COL19A1: variants seen among roughly 807,000 people sequenced by gnomAD.
The protein encoded by COL19A1 is collagen type XIX alpha 1 chain.
Under a neutral mutation model 190.2 loss-of-function variants are expected in COL19A1, and 159 were observed. The observed-to-expected ratio is 0.84, with a 90% CI of 0.73 to 0.95. COL19A1 has a LOEUF of 0.95. Ranked by LOEUF, COL19A1 falls within the 40% of genes least tolerant of loss-of-function variation. COL19A1 has a pLI of 0.00. For missense variants in COL19A1, 1,418 were observed against 1,431.9 expected, an observed-to-expected ratio of 0.99 and a Z score of 0.16; for synonymous variants, 509 against 458.9, an observed-to-expected ratio of 1.11 and a Z score of -1.39.
intron 11 of COL19A1, among the ~76,000 whole-genome samples, chr6:69,995,918 T>C (rs2150078409): frequency 6.6e-6 from 1 of 152,306 alleles, no homozygotes; most frequent in South Asian, 2.1e-4. Flanking sequence ...GTGAGGAATC[T>C]TGGCCCTAAT....
chr6:69,929,155 TACACAC>T (rs141935825), intron 5 of COL19A1, among the ~76,000 whole-genome samples: 8 of 148,552 alleles, frequency 5.4e-5, no homozygotes, highest in Non-Finnish European at 9.0e-5. Context: ...TTAAAATAAC[TACACAC>T]ACACACACAC....
chr6:70,007,514 T>C (rs1275425437), intron 11 of COL19A1, among the ~76,000 whole-genome samples: 1 of 151,918 alleles, frequency 6.6e-6, no homozygotes, highest in Non-Finnish European at 1.5e-5. Flanking sequence ...AAAGGGCCAA[T>C]ATAGCAGGAA....
intron 4 of COL19A1, among the ~76,000 whole-genome samples, chr6:69,910,064 A>G (rs1770810789): frequency 6.6e-6 from 1 of 152,068 alleles, no homozygotes; most frequent in African/African-American, 2.4e-5. Flanking sequence ...TTGAAGGGAT[A>G]TTTGAAATTT....
chr6:69,877,860 C>T (rs1310472203), intron 1 of COL19A1, among the ~76,000 whole-genome samples: 4 of 151,952 alleles, frequency 2.6e-5, no homozygotes, highest in Admixed American at 1.3e-4. Flanking sequence ...CAAAAATTAG[C>T]TGGGCATAGT....
chr6:69,982,980 A>G (rs1172089692), intron 11 of COL19A1, among the ~76,000 whole-genome samples: 1 of 127,162 alleles, frequency 7.9e-6, no homozygotes, highest in African/African-American at 2.9e-5. Context: ...TCAAAAATAA[A>G]TAAATAAATA....
chr6:69,906,999 G>A (rs1472946866), intron 4 of COL19A1, among the ~76,000 whole-genome samples: 1 of 151,832 alleles, frequency 6.6e-6, no homozygotes, highest in Non-Finnish European at 1.5e-5. Flanking sequence ...TGTCATATGT[G>A]TTGTAACATG....
chr6:70,120,055 C>A (rs1255590281), intron 16 of COL19A1, among the ~76,000 whole-genome samples: 1 of 152,218 alleles, frequency 6.6e-6, no homozygotes, highest in African/African-American at 2.4e-5. Context: ...CGTGCCACTG[C>A]ACTCCAGCCT....
At chr6:70,103,052 G>GT (rs1297984128) in intron 16 of COL19A1, among the ~76,000 whole-genome samples, 1 of 152,140 alleles carries the variant, frequency 6.6e-6, no homozygotes, top group East Asian at 1.9e-4. Context: ...ATGAATGCCA[G>GT]TTTTTTATTT....
Position 70,180,515 on chromosome 6 carries a change from G to C in COL19A1, c.2767G>C (p.Gly923Arg). 6.2e-7 allele frequency: 1 copy of C among 1,614,128 alleles called. No homozygotes were observed. Among genetic ancestry groups the C allele is most frequent in the Non-Finnish European group, 8.5e-7 (1 of 1,180,002 alleles). The change falls in exon 44 of 51, where the codon GGA becomes CGA. Residue 923 changes from glycine (G) to arginine (R), a missense_variant. Gly to Arg is a moderately radical substitution (Grantham distance 125, BLOSUM62 -2). Transcript: ENST00000620364. ...TTTCCCTGGACCAGAAGGACCCTCA[G>C]GAAAGCCAGTAAGTACTTCTTACTA... The part of the protein sequence containing the change: ...IGFPGPEGPS[G>R]KPGINGKDGI...
intron 4 of COL19A1, among the ~76,000 whole-genome samples, chr6:69,905,049 C>G (rs1434961851): frequency 6.6e-6 from 1 of 152,138 alleles, no homozygotes; most frequent in African/African-American, 2.4e-5. Flanking sequence ...TGGGGCCCAT[C>G]CAAGCAGCAC....
At chr6:70,162,272 A>G (rs1373375037) in intron 35 of COL19A1, among the ~76,000 whole-genome samples, 1 of 152,014 alleles carries the variant, frequency 6.6e-6, no homozygotes, top group African/African-American at 2.4e-5. Flanking sequence ...AACCTTTAGA[A>G]GAGATAGTCA....
At chr6:69,920,593 G>A (rs370463185) in intron 4 of COL19A1, among the ~76,000 whole-genome samples, 1 of 152,022 alleles carries the variant, frequency 6.6e-6, no homozygotes, top group Admixed American at 6.6e-5. Context: ...ACTTTAGTTT[G>A]ACTGTATGAT....
chr6:69,995,837 T>C (rs1196745285), intron 11 of COL19A1, among the ~76,000 whole-genome samples: 1 of 152,176 alleles, frequency 6.6e-6, no homozygotes, highest in Non-Finnish European at 1.5e-5. Flanking sequence ...TATAGAGTTA[T>C]TTCGTTAGAT....
chr6:70,199,882 T>C lies in COL19A1; in HGVS notation c.3223+146T>C, dbSNP rs78798811. ...AATATATGCAATATATAAAATGGTT[T>C]CATATGTAATCTCTTTATAATATTT... On this transcript the variant is annotated intron_variant, in intron 49 of 50. Coordinates refer to ENST00000620364, the MANE Select transcript of COL19A1 (RefSeq NM_001858.6). The C allele has an allele frequency of 5.3e-3, 3,755 of 710,006 alleles. 112 individuals are homozygous for C. In the African/African-American group the frequency reaches 0.06, roughly 11 times the overall value. 44.0% of individuals were successfully genotyped at this position (710,006 alleles called of 1,614,324 possible).
At chr6:70,167,836 G>A (rs1156314275) in intron 37 of COL19A1, among the ~76,000 whole-genome samples, 189 bp from the exon 38 acceptor site, 1 of 151,980 alleles carries the variant, frequency 6.6e-6, no homozygotes, top group Non-Finnish European at 1.5e-5. Flanking sequence ...TCATTTCCCT[G>A]CATTTGCTTT....
At chr6:69,906,177 A>G (rs1353319745) in intron 4 of COL19A1, among the ~76,000 whole-genome samples, 2 of 152,228 alleles carry the variant, frequency 1.3e-5, no homozygotes, top group South Asian at 2.1e-4. Flanking sequence ...TTGCTTCAAT[A>G]GAAAATTCAA....
At chr6:70,002,756 C>G (rs1208156736) in intron 11 of COL19A1, among the ~76,000 whole-genome samples, 1 of 146,378 alleles carries the variant, frequency 6.8e-6, no homozygotes. Flanking sequence ...ATTCTTCTCT[C>G]TTTTCTTCTT....
intron 4 of COL19A1, among the ~76,000 whole-genome samples, chr6:69,922,098 T>A (rs1310020999): frequency 6.6e-6 from 1 of 152,108 alleles, no homozygotes; most frequent in East Asian, 1.9e-4. Flanking sequence ...TGTTTGTGCT[T>A]GTGTGGTATA....
chr6:69,908,320 T>C (rs1770694123), intron 4 of COL19A1, among the ~76,000 whole-genome samples: 1 of 152,204 alleles, frequency 6.6e-6, no homozygotes, highest in South Asian at 2.1e-4. Flanking sequence ...GGGTTTTCAT[T>C]TGGGGCATTC....
Sources: allele counts gnomAD v4.1 joint callset (sites outside exome capture counted in the v4.1 genomes callset), GRCh38; gene constraint gnomAD v4.1.1; transcripts MANE v1.5; gene names NCBI Gene and HGNC (gene_info 2026-07-23, HGNC 2026-07-21).